The following ROBO2 variants were observed in gnomAD, a reference collection of about 807,000 sequenced individuals.
ROBO2 encodes roundabout homolog 2.
ROBO2 carries 53 observed loss-of-function variants against 160.8 expected under a neutral mutation model. The ratio of observed to expected loss-of-function variants is 0.33; its 90% CI spans 0.26 to 0.41. ROBO2 has a LOEUF of 0.41. Ranked by LOEUF, ROBO2 falls within the 10% of genes least tolerant of loss-of-function variation. The pLI is 1.00. For synonymous variants in ROBO2, 664 were observed against 611.7 expected (o/e 1.09, Z -1.26); for missense variants, 1,577 against 1,722.4 (o/e 0.92, Z 1.49).
chr3:76,685,786 A>T (rs1453976876), intron 2 of ROBO2, among the ~76,000 whole-genome samples: 1 of 152,208 alleles, frequency 6.6e-6, no homozygotes, highest in Non-Finnish European at 1.5e-5. Context: ...ATCCTTAGAC[A>T]AAGTAAATGA....
At chr3:77,534,881 C>T (rs2091989113) in intron 6 of ROBO2, among the ~76,000 whole-genome samples, 1 of 152,132 alleles carries the variant, frequency 6.6e-6, no homozygotes, top group Non-Finnish European at 1.5e-5. Flanking sequence ...GGTGGGGGCA[C>T]ACAAATGTTG....
At chr3:76,020,030 C>T (rs1260100073) in intron 2 of ROBO2, among the ~76,000 whole-genome samples, 1 of 151,872 alleles carries the variant, frequency 6.6e-6, no homozygotes, top group African/African-American at 2.4e-5. Flanking sequence ...CTGTGTATTC[C>T]TTGGTAGGAT....
At chr3:76,835,889 A>G (rs2067649539) in intron 2 of ROBO2, among the ~76,000 whole-genome samples, 2 of 151,988 alleles carry the variant, frequency 1.3e-5, no homozygotes, top group Admixed American at 6.6e-5. Context: ...CTTTTCAACT[A>G]TGAGCTCTTT....
intron 2 of ROBO2, among the ~76,000 whole-genome samples, chr3:77,402,938 T>C (rs992117498): frequency 6.6e-6 from 1 of 152,176 alleles, no homozygotes; most frequent in Non-Finnish European, 1.5e-5. Context: ...CTCTAAAGCT[T>C]CCCTGAGACT....
intron 2 of ROBO2, among the ~76,000 whole-genome samples, chr3:77,249,473 A>C (rs2090108726): frequency 6.6e-6 from 1 of 152,182 alleles, no homozygotes; most frequent in Admixed American, 6.5e-5. Flanking sequence ...AGGCAGCTGG[A>C]CTTAACATAG....
intron 2 of ROBO2, among the ~76,000 whole-genome samples, chr3:77,167,987 A>T (rs796455743): frequency 2.0e-5 from 3 of 152,344 alleles, no homozygotes; most frequent in African/African-American, 7.2e-5. Flanking sequence ...AGAGACATGA[A>T]ATTTGCAATT....
At chr3:76,061,687 A>G (rs538159182) in intron 2 of ROBO2, among the ~76,000 whole-genome samples, 18 of 152,164 alleles carry the variant, frequency 1.2e-4, no homozygotes, top group Non-Finnish European at 2.5e-4. Flanking sequence ...TATTAGTTCT[A>G]TGCAGCTGCT....
At chr3:75,953,110 C>G (rs1281651749) in intron 2 of ROBO2, among the ~76,000 whole-genome samples, 1 of 151,900 alleles carries the variant, frequency 6.6e-6, no homozygotes, top group Non-Finnish European at 1.5e-5. Flanking sequence ...TGTAAGTTTT[C>G]AAATCCTTTA....
intron 2 of ROBO2, among the ~76,000 whole-genome samples, chr3:77,412,077 G>T (rs901171527): frequency 1.3e-5 from 2 of 152,212 alleles, no homozygotes; most frequent in African/African-American, 4.8e-5. Context: ...ATTTAGAAGA[G>T]GAGAGTTATT....
chr3:77,010,868 A>C (rs867553594), intron 2 of ROBO2, among the ~76,000 whole-genome samples: 343 of 28,152 alleles, frequency 0.012, 2 homozygotes, highest in Admixed American at 0.026. Context: ...CTCCCTCCCT[A>C]CCTTCCTTCC....
intron 2 of ROBO2, among the ~76,000 whole-genome samples, chr3:76,249,729 C>T (rs1005390654): frequency 6.6e-6 from 1 of 152,028 alleles, no homozygotes; most frequent in Non-Finnish European, 1.5e-5. Context: ...ACAGACAATT[C>T]CACAATGCGT....
At chr3:75,940,338 T>G (rs1947995671) in intron 2 of ROBO2, among the ~76,000 whole-genome samples, 1 of 152,130 alleles carries the variant, frequency 6.6e-6, no homozygotes, top group South Asian at 2.1e-4. Context: ...TAAATAAGAA[T>G]GTAGGGCCAT....
chr3:76,223,574 C>A (rs913660627), intron 2 of ROBO2, among the ~76,000 whole-genome samples: 1 of 152,126 alleles, frequency 6.6e-6, no homozygotes, highest in South Asian at 2.1e-4. Context: ...TTATAGGTTT[C>A]AGTTTTTCCC....
chr3:77,248,391 A>G (rs561026474), intron 2 of ROBO2, among the ~76,000 whole-genome samples: 1 of 151,740 alleles, frequency 6.6e-6, no homozygotes, highest in African/African-American at 2.4e-5. Flanking sequence ...AAACTGTCAC[A>G]CTGACCCTCC....
intron 1 of ROBO2, among the ~76,000 whole-genome samples, chr3:77,095,681 C>A (rs1324441903): frequency 6.6e-6 from 1 of 152,174 alleles, no homozygotes; most frequent in Admixed American, 6.5e-5. Context: ...GAGTCTACAG[C>A]TATGTGTCCA....
chr3:76,764,023 C>G, intron 2 of ROBO2, among the ~76,000 whole-genome samples: 1 of 151,746 alleles, frequency 6.6e-6, no homozygotes, highest in Non-Finnish European at 1.5e-5. Context: ...GAAATTTTAA[C>G]AACAAAGAAT....
At chr3:77,021,002 C>T (rs2062596774) in intron 2 of ROBO2, among the ~76,000 whole-genome samples, 1 of 151,974 alleles carries the variant, frequency 6.6e-6, no homozygotes. Flanking sequence ...CTCAGGGGTT[C>T]AAGACCAGTC....
rs767988628 is a variant in ROBO2 at position 76,811,775 on chromosome 3, CTCCTTCCT to C, written c.110-286184_110-286177del. Among the ~76,000 whole-genome samples, 374 of 96,908 alleles carry C rather than the reference CTCCTTCCT, an allele frequency of 3.9e-3. 17 individuals are homozygous for C. Among genetic ancestry groups the C allele is most frequent in the East Asian group, 9.1e-3 (26 of 2,866 alleles). The allele number at this position is 96,908 out of a possible 152,430, so 63.6% of individuals were successfully genotyped here. On this transcript the variant is annotated intron_variant, in intron 2 of 26. Coordinates refer to the ROBO2 transcript ENST00000487694. ...TGCTTAATTACCTTTCTCTCTTTCC[CTCCTTCCT>C]TCCTTCCTTCCTTCCTTCCTTCCTT...
chr3:75,922,059 C>T (rs72886534), intron 1 of ROBO2, among the ~76,000 whole-genome samples: 14,377 of 152,090 alleles, frequency 0.095, 2,202 homozygotes, highest in African/African-American at 0.32. Context: ...TGCTTGAATT[C>T]GCATAATTTC....
Sources: gnomAD v4.1 joint callset for allele counts (sites outside exome capture counted in the v4.1 genomes callset) on GRCh38, gnomAD v4.1.1 for gene constraint, MANE v1.5 for transcripts, NCBI Gene and HGNC (gene_info 2026-07-23, HGNC 2026-07-21) for gene names.